Variants in BNC2 observed in about 807,000 individuals in gnomAD.
The protein encoded by BNC2 is zinc finger protein basonuclin-2.
Under a neutral mutation model 76.3 loss-of-function variants are expected in BNC2, and 20 were observed. The ratio of observed to expected loss-of-function variants is 0.26; its 90% confidence interval spans 0.18 to 0.38. The LOEUF is 0.38. Ranked by LOEUF, BNC2 falls within the 10% of genes least tolerant of loss-of-function variation. The probability of loss-of-function intolerance (pLI) is 1.00; values close to 1 mark genes in which losing one functional copy is unlikely to be tolerated. For missense variants in BNC2, 1,382 were observed against 1,399.8 expected, an observed-to-expected ratio of 0.99 and a Z score of 0.20; for synonymous variants, 582 against 514.8, an observed-to-expected ratio of 1.13 and a Z score of -1.77.
At chr9:16,809,447 C>T (rs1050070096) in intron 1 of BNC2, among the ~76,000 whole-genome samples, 4 of 151,998 alleles carry the variant, frequency 2.6e-5, no homozygotes, top group Non-Finnish European at 4.4e-5. Context: ...AGAACTCTCT[C>T]GGTCCAGTTT....
chr9:16,689,041 C>T lies in BNC2; in HGVS notation c.330+38756G>A, dbSNP rs564306982. On this transcript the variant is annotated intron_variant, in intron 3 of 6. Transcript: ENST00000380672. ...AGGGAGGGCCAGTGGGCATTCACTT[C>T]GGTGTCAAAAGGGCTTCCAGAAAAC... Among the ~76,000 whole-genome samples, 35 of 151,968 alleles carry T rather than the reference C, an allele frequency of 2.3e-4. 1 individual carries two copies. The South Asian group carries it at 4.0e-3, about 17-fold the overall frequency.
chr9:16,784,827 G>A (rs1826240673), intron 1 of BNC2, among the ~76,000 whole-genome samples: 1 of 152,180 alleles, frequency 6.6e-6, no homozygotes, highest in African/African-American at 2.4e-5. Flanking sequence ...CAACTGCGGA[G>A]CAATAATAAT....
intron 1 of BNC2, among the ~76,000 whole-genome samples, chr9:16,855,329 C>G (rs1231201284): frequency 6.6e-6 from 1 of 152,190 alleles, no homozygotes; most frequent in African/African-American, 2.4e-5. Flanking sequence ...TTTGTGCTCT[C>G]TCTTAGGATG....
chr9:16,435,429 A>G, intron 6 of BNC2, 126 bp downstream of exon 6: 3 of 1,155,086 alleles, frequency 2.6e-6, no homozygotes, highest in South Asian at 2.5e-5. Flanking sequence ...TCACATGATC[A>G]CTGTGGACAA....
chr9:16,716,423 T>C (rs1416819845), intron 3 of BNC2, among the ~76,000 whole-genome samples: 2 of 152,198 alleles, frequency 1.3e-5, no homozygotes, highest in Non-Finnish European at 2.9e-5. Context: ...CAGATGTCTA[T>C]GACACAGTCA....
chr9:16,822,068 G>C (rs967880251), intron 1 of BNC2, among the ~76,000 whole-genome samples: 2 of 146,660 alleles, frequency 1.4e-5, no homozygotes, highest in Non-Finnish European at 3.0e-5. Flanking sequence ...ACTCCACCCT[G>C]GGCGACAGAG....
intron 1 of BNC2, among the ~76,000 whole-genome samples, chr9:16,754,898 A>C (rs1377109185): frequency 1.3e-5 from 2 of 152,144 alleles, no homozygotes; most frequent in African/African-American, 2.4e-5. Context: ...TGATTCACTA[A>C]GATCATTATT....
intron 1 of BNC2, among the ~76,000 whole-genome samples, chr9:16,805,204 A>C (rs1817877028): frequency 6.6e-6 from 1 of 152,224 alleles, no homozygotes; most frequent in East Asian, 1.9e-4. Flanking sequence ...CCATCTTTAG[A>C]ATCTGGAAGA....
rs7037781 is a variant in BNC2 at position 16,845,900 on chromosome 9, A to C, written c.3+24746T>G. Among the ~76,000 whole-genome samples the C allele has an allele frequency of 4.8e-3, 727 of 152,238 alleles. 6 individuals carry two copies. Among genetic ancestry groups the C allele is most frequent in the African/African-American group, 0.017 (702 of 41,558 alleles). The stretch of plus-strand genomic sequence containing the variant: ...CGCGGTGGCTCACGCCTGTAATCCC[A>C]GCACTTTGGGAGGCCGAGACGGGCG... On this transcript the variant is annotated intron_variant, in intron 1 of 6. Transcript: ENST00000380672.
intron 1 of BNC2, among the ~76,000 whole-genome samples, chr9:16,787,121 A>T (rs956218989): frequency 6.6e-6 from 1 of 152,238 alleles, no homozygotes; most frequent in African/African-American, 2.4e-5. Flanking sequence ...CAATTTTGCC[A>T]GTCTGCCTAC....
intron 5 of BNC2, among the ~76,000 whole-genome samples, chr9:16,440,392 C>T (rs1821102212): frequency 6.6e-6 from 1 of 152,146 alleles, no homozygotes; most frequent in Admixed American, 6.6e-5. Flanking sequence ...CTCTTCTATA[C>T]CATCTTTCTT....
At chr9:16,752,549 A>T (rs1453325442) in intron 1 of BNC2, among the ~76,000 whole-genome samples, 1 of 152,238 alleles carries the variant, frequency 6.6e-6, no homozygotes, top group African/African-American at 2.4e-5. Context: ...GCAGTCTTAG[A>T]GAACAAGTCA....
chr9:16,535,894 T>A (rs1001765593), intron 5 of BNC2, among the ~76,000 whole-genome samples: 12 of 152,070 alleles, frequency 7.9e-5, no homozygotes, highest in African/African-American at 2.9e-4. Context: ...CCTACAACTA[T>A]CTGCAGGTGA....
intron 3 of BNC2, among the ~76,000 whole-genome samples, chr9:16,683,566 G>C (rs530046274): frequency 6.6e-6 from 1 of 152,236 alleles, no homozygotes; most frequent in East Asian, 1.9e-4. Flanking sequence ...ATAAAGCTAT[G>C]CTGAACAATA....
At chr9:16,691,179 T>A (rs1823149096) in intron 3 of BNC2, among the ~76,000 whole-genome samples, 1 of 152,142 alleles carries the variant, frequency 6.6e-6, no homozygotes, top group Admixed American at 6.5e-5. Flanking sequence ...TCTTCCAGAG[T>A]GCTCAAAGGG....
chr9:16,723,186 T>C, intron 3 of BNC2, among the ~76,000 whole-genome samples: 1 of 152,052 alleles, frequency 6.6e-6, no homozygotes, highest in African/African-American at 2.4e-5. Context: ...CATCCAAACA[T>C]ACTAACTGTA....
intron 5 of BNC2, among the ~76,000 whole-genome samples, chr9:16,460,397 T>C (rs926044302): frequency 6.6e-6 from 1 of 150,620 alleles, no homozygotes; most frequent in Non-Finnish European, 1.5e-5. Flanking sequence ...CCAAGGCGGG[T>C]GGATTGCTTG....
chr9:16,747,371 C>T (rs1026279021), intron 1 of BNC2, among the ~76,000 whole-genome samples: 20 of 152,148 alleles, frequency 1.3e-4, no homozygotes, highest in Admixed American at 1.3e-3. Context: ...ATCTCAGCAT[C>T]CAGAGCTCTT....
intron 5 of BNC2, among the ~76,000 whole-genome samples, chr9:16,531,875 G>C (rs1386254202): frequency 6.6e-6 from 1 of 151,906 alleles, no homozygotes; most frequent in Non-Finnish European, 1.5e-5. Flanking sequence ...CCACCGATAA[G>C]CTGCCAATAG....
Sources: gnomAD v4.1 joint callset for allele counts (sites outside exome capture counted in the v4.1 genomes callset) on GRCh38, gnomAD v4.1.1 for gene constraint, MANE v1.5 for transcripts, NCBI Gene and HGNC (gene_info 2026-07-23, HGNC 2026-07-21) for gene names.